PALLD: variants seen among roughly 807,000 people sequenced by gnomAD.
PALLD encodes palladin.
PALLD carries 61 observed loss-of-function variants against 123.5 expected under a neutral mutation model. The ratio of observed to expected loss-of-function variants is 0.49; its 90% CI spans 0.40 to 0.61. The LOEUF (loss-of-function observed/expected upper bound fraction) is 0.61. Among genes scored for constraint, PALLD ranks in the 20% least tolerant of loss-of-function variants. The pLI is 0.00. For missense variants in PALLD, 1,273 were observed against 1,377.0 expected, an observed-to-expected ratio of 0.92 and a Z score of 1.20; for synonymous variants, 465 against 496.4, an observed-to-expected ratio of 0.94 and a Z score of 0.84.
intron 2 of PALLD, among the ~76,000 whole-genome samples, chr4:168,538,757 G>T (rs910716543): frequency 2.6e-5 from 4 of 152,142 alleles, no homozygotes; most frequent in Non-Finnish European, 2.9e-5. Flanking sequence ...ACATTCACCG[G>T]CAAAGGCTCC....
At chr4:168,544,824 G>A (rs1641625490) in intron 2 of PALLD, among the ~76,000 whole-genome samples, 1 of 152,166 alleles carries the variant, frequency 6.6e-6, no homozygotes, top group African/African-American at 2.4e-5. Flanking sequence ...CCAGGACAAT[G>A]TTTCTCCCAG....
intron 15 of PALLD, among the ~76,000 whole-genome samples, chr4:168,910,056 TAG>T (rs1038538588): frequency 6.6e-6 from 1 of 152,076 alleles, no homozygotes; most frequent in African/African-American, 2.4e-5. Context: ...GGTATCAGAA[TAG>T]AGAGATTACA....
At chr4:168,697,229 G>A (rs1489541259) in intron 8 of PALLD, among the ~76,000 whole-genome samples, 1 of 152,224 alleles carries the variant, frequency 6.6e-6, no homozygotes, top group African/African-American at 2.4e-5. Flanking sequence ...TGGAAATCTA[G>A]CAAAGATATT....
rs1581378666 is a variant in PALLD at position 168,768,863 on chromosome 4, G to T, written c.1964+56940G>T. Among the ~76,000 whole-genome samples the T allele has an allele frequency of 2.0e-5, 3 of 146,386 alleles. No individual in the cohort carries two copies. The East Asian group carries it at 6.1e-4, about 30-fold the overall frequency. ...AATTTTTTGCATTTTAGTAGAGATG[G>T]GATTTCACCATTTGGCTGGCAGTGA... On this transcript the variant is annotated intron_variant, in intron 10 of 21. Transcript: ENST00000505667.
chr4:168,805,058 C>T (rs1046613499), intron 10 of PALLD, among the ~76,000 whole-genome samples: 1 of 151,428 alleles, frequency 6.6e-6, no homozygotes, highest in South Asian at 2.1e-4. Context: ...CTCAGGAGGC[C>T]GAGACAGGAG....
At chr4:168,752,913 T>A (rs1335388353) in intron 10 of PALLD, among the ~76,000 whole-genome samples, 1 of 150,378 alleles carries the variant, frequency 6.6e-6, no homozygotes, top group South Asian at 2.1e-4. Context: ...ATTTAGAGAG[T>A]GAAAAGAGTA....
At chr4:168,763,357 G>A (rs1295636590) in intron 10 of PALLD, among the ~76,000 whole-genome samples, 1 of 152,072 alleles carries the variant, frequency 6.6e-6, no homozygotes, top group Non-Finnish European at 1.5e-5. Context: ...CCATTTCATT[G>A]TCATTTAATT....
intron 10 of PALLD, among the ~76,000 whole-genome samples, chr4:168,766,860 G>A (rs1241550420): frequency 1.3e-5 from 2 of 152,188 alleles, no homozygotes; most frequent in Admixed American, 1.3e-4. Flanking sequence ...AGCTATTGGT[G>A]TTAGTTCTAA....
intron 10 of PALLD, among the ~76,000 whole-genome samples, chr4:168,781,334 AAGTC>A (rs1360684542): frequency 2.2e-4 from 33 of 152,186 alleles, no homozygotes; most frequent in African/African-American, 8.0e-4. Context: ...GGCCAGTTTC[AAGTC>A]AGAAGTGGGC....
At position 168,512,380 on chromosome 4, in the gene PALLD, T is replaced by C. The variant is rs547465771; in HGVS notation, c.876T>C (p.Cys292=). Reference sequence around the variant, plus strand: ...AAGGGAGCCGAGTTTATCTGGAGTGTAGAGTCACTGGAAACCCCACTCCTC... The same window carrying C: ...AAGGGAGCCGAGTTTATCTGGAGTGCAGAGTCACTGGAAACCCCACTCCTC... The part of the protein sequence containing the change: ...VAEGSRVYLE[C]RVTGNPTPRV... Residue 292 remains cysteine (C), a synonymous_variant, in exon 2 of 22, where the codon TGT becomes TGC. Coordinates refer to ENST00000505667, the MANE Select transcript of PALLD (RefSeq NM_001166108.2). The C allele has an allele frequency of 6.2e-7, 1 of 1,613,788 alleles. No individual in the cohort carries two copies. The highest frequency in any genetic ancestry group is 1.3e-5 in the African/African-American group (1 of 75,054).
intron 2 of PALLD, among the ~76,000 whole-genome samples, chr4:168,627,746 T>C (rs934602666): frequency 1.3e-5 from 2 of 152,182 alleles, no homozygotes; most frequent in Non-Finnish European, 2.9e-5. Flanking sequence ...ATAATCTCCT[T>C]AACATACGTG....
intron 10 of PALLD, among the ~76,000 whole-genome samples, chr4:168,792,878 TA>T (rs1448249392): frequency 6.6e-6 from 1 of 151,608 alleles, no homozygotes; most frequent in Non-Finnish European, 1.5e-5. Context: ...GCGATTCTTC[TA>T]CCTCAGCCTC....
At chr4:168,897,245 G>C (rs934304039) in intron 13 of PALLD, among the ~76,000 whole-genome samples, 7 of 152,076 alleles carry the variant, frequency 4.6e-5, no homozygotes, top group Non-Finnish European at 2.9e-5. Flanking sequence ...TTCTTCAAGG[G>C]ATTAATTTGA....
At chr4:168,868,770 G>A (rs1750684040) in intron 10 of PALLD, among the ~76,000 whole-genome samples, 2 of 152,048 alleles carry the variant, frequency 1.3e-5, no homozygotes, top group Admixed American at 6.5e-5. Context: ...CTCTGTATAG[G>A]GACCAACTTT....
intron 2 of PALLD, among the ~76,000 whole-genome samples, chr4:168,527,383 T>G (rs1168260156): frequency 7.6e-6 from 1 of 130,868 alleles, no homozygotes; most frequent in East Asian, 2.5e-4. Flanking sequence ...GATCGCGCCA[T>G]TGCACTCCAG....
At chr4:168,891,832 T>G (rs180842901) in intron 11 of PALLD, among the ~76,000 whole-genome samples, 1 of 152,276 alleles carries the variant, frequency 6.6e-6, no homozygotes, top group African/African-American at 2.4e-5. Context: ...TTCCATGGTA[T>G]GTACTACTTA....
intron 10 of PALLD, among the ~76,000 whole-genome samples, chr4:168,726,708 G>A (rs1220730437): frequency 1.3e-5 from 2 of 151,918 alleles, no homozygotes; most frequent in African/African-American, 4.8e-5. Flanking sequence ...ACTTTGAGAG[G>A]TCAGATAGAG....
At chr4:168,591,570 C>T (rs1771436614) in intron 2 of PALLD, among the ~76,000 whole-genome samples, 1 of 152,144 alleles carries the variant, frequency 6.6e-6, no homozygotes. Context: ...TAAAAACGAC[C>T]TTTCATGAAA....
intron 15 of PALLD, among the ~76,000 whole-genome samples, chr4:168,908,491 G>A (rs983727806): frequency 6.6e-6 from 1 of 151,834 alleles, no homozygotes; most frequent in Admixed American, 6.6e-5. Context: ...GTCATAAAAG[G>A]TGGTGAAAAA....
Sources: allele counts gnomAD v4.1 joint callset (sites outside exome capture counted in the v4.1 genomes callset), GRCh38; gene constraint gnomAD v4.1.1; transcripts MANE v1.5; gene names NCBI Gene and HGNC (gene_info 2026-07-23, HGNC 2026-07-21).